The following LRRC69 variants were observed in gnomAD, a reference collection of about 807,000 sequenced individuals.
The protein encoded by LRRC69 is leucine rich repeat containing 69.
A neutral mutation model predicts 37.8 loss-of-function variants in LRRC69; 42 were observed. The ratio of observed to expected loss-of-function variants is 1.11; its 90% CI spans 0.87 to 1.44. LRRC69 has a LOEUF of 1.44. LRRC69 is among the 40% of genes most tolerant of loss of function. LRRC69 has a pLI of 0.00. For synonymous variants in LRRC69, 141 were observed against 143.1 expected, an observed-to-expected ratio of 0.99 and a Z score of 0.11; for missense variants, 357 against 401.9, an observed-to-expected ratio of 0.89 and a Z score of 0.96.
chr8:91,169,690 C>T (rs1586262342), intron 5 of LRRC69, among the ~76,000 whole-genome samples: 1 of 109,426 alleles, frequency 9.1e-6, no homozygotes, highest in Non-Finnish European at 1.7e-5. Flanking sequence ...CACCCCACAA[C>T]AGTCCCCAGA....
chr8:91,197,188 A>T (rs1004902297), intron 6 of LRRC69, among the ~76,000 whole-genome samples: 6 of 152,184 alleles, frequency 3.9e-5, no homozygotes, highest in African/African-American at 7.2e-5. Flanking sequence ...TTGAGGAGGC[A>T]GTCCGCCCAT....
intron 1 of LRRC69, 127 bp downstream of exon 1, chr8:91,102,971 T>G: frequency 1.1e-6 from 1 of 879,240 alleles, no homozygotes; most frequent in Non-Finnish European, 1.7e-6. Flanking sequence ...GGAGACTTAA[T>G]GTGGAGTGTT....
chr8:91,108,903 TC>T (rs1032154866), intron 1 of LRRC69, among the ~76,000 whole-genome samples: 1 of 151,860 alleles, frequency 6.6e-6, no homozygotes, highest in African/African-American at 2.4e-5. Context: ...AGCAGAGACT[TC>T]CCGTAACTCT....
At chr8:91,148,390 T>C (rs923073605) in intron 5 of LRRC69, among the ~76,000 whole-genome samples, 110 of 151,898 alleles carry the variant, frequency 7.2e-4, no homozygotes, top group Non-Finnish European at 1.3e-3. Flanking sequence ...GCTTCATCCA[T>C]GTCCCTACAA....
chr8:91,172,331 T>C (rs1308123820), intron 5 of LRRC69, among the ~76,000 whole-genome samples: 1 of 152,030 alleles, frequency 6.6e-6, no homozygotes, highest in Non-Finnish European at 1.5e-5. Context: ...TTGATAAATA[T>C]TGTTAAATTA....
At chr8:91,218,777 A>G (rs1183282464) in intron 7 of LRRC69, 113 bp from the exon 8 acceptor site, 23 of 621,694 alleles carry the variant, frequency 3.7e-5, no homozygotes, top group Non-Finnish European at 5.1e-5. Context: ...TAAATAGAAT[A>G]GTGCGTCTTT....
At chr8:91,164,602 T>C (rs1808998206) in intron 5 of LRRC69, among the ~76,000 whole-genome samples, 1 of 151,830 alleles carries the variant, frequency 6.6e-6, no homozygotes, top group South Asian at 2.1e-4. Flanking sequence ...AAACAAACAA[T>C]GGTTAATAAT....
At chr8:91,103,706 T>C (rs918824900) in intron 1 of LRRC69, among the ~76,000 whole-genome samples, 4 of 152,094 alleles carry the variant, frequency 2.6e-5, no homozygotes, top group Non-Finnish European at 5.9e-5. Context: ...AAATTGAGTT[T>C]GTAATCTGTA....
At chr8:91,197,707 C>T (rs1418102094) in intron 6 of LRRC69, among the ~76,000 whole-genome samples, 1 of 152,132 alleles carries the variant, frequency 6.6e-6, no homozygotes, top group Non-Finnish European at 1.5e-5. Flanking sequence ...TCGGCTCGCG[C>T]ACGGTGCGCG....
At chr8:91,169,290 T>C (rs1271402786) in intron 5 of LRRC69, among the ~76,000 whole-genome samples, 1 of 151,784 alleles carries the variant, frequency 6.6e-6, no homozygotes, top group Non-Finnish European at 1.5e-5. Flanking sequence ...ATTAAAAAAC[T>C]CTCTATCAAG....
chr8:91,122,943 G>A (rs1813655551), intron 1 of LRRC69, among the ~76,000 whole-genome samples: 1 of 152,034 alleles, frequency 6.6e-6, no homozygotes, highest in Admixed American at 6.6e-5. Flanking sequence ...GAGAATGGGA[G>A]GTTACCCTAG....
At chr8:91,184,528 A>G (rs1157519204) in intron 5 of LRRC69, among the ~76,000 whole-genome samples, 1 of 152,084 alleles carries the variant, frequency 6.6e-6, no homozygotes, top group Admixed American at 6.6e-5. Context: ...TATCCTTCAA[A>G]TTCTTCTTTC....
At chr8:91,133,884 G>A (rs1326943739) in intron 4 of LRRC69, among the ~76,000 whole-genome samples, 3 of 151,808 alleles carry the variant, frequency 2.0e-5, no homozygotes, top group African/African-American at 7.3e-5. Flanking sequence ...CGCCCACCTC[G>A]GCCTCCCAAA....
chr8:91,198,910 A>G (rs1809667076), intron 6 of LRRC69, among the ~76,000 whole-genome samples: 1 of 152,188 alleles, frequency 6.6e-6, no homozygotes, highest in Non-Finnish European at 1.5e-5. Flanking sequence ...GGTGTATGCT[A>G]TCCTTCCAAA....
intron 5 of LRRC69, among the ~76,000 whole-genome samples, chr8:91,179,797 C>G (rs906728024): frequency 6.6e-6 from 1 of 152,052 alleles, no homozygotes; most frequent in African/African-American, 2.4e-5. Flanking sequence ...AATAAGAAAT[C>G]GTTCTTATGA....
chr8:91,106,918 A>G (rs970469813), intron 1 of LRRC69, among the ~76,000 whole-genome samples: 1 of 151,394 alleles, frequency 6.6e-6, no homozygotes. Flanking sequence ...TCAGCTTCCC[A>G]AGTAGTTGGG....
chr8:91,163,201 T>C (rs531335127), intron 5 of LRRC69, among the ~76,000 whole-genome samples: 1 of 151,530 alleles, frequency 6.6e-6, no homozygotes, highest in East Asian at 2.0e-4. Context: ...TTTAAATTTT[T>C]CTTTATGGCA....
At chr8:91,123,671 T>C (rs1329291934) in intron 1 of LRRC69, among the ~76,000 whole-genome samples, 2 of 152,004 alleles carry the variant, frequency 1.3e-5, no homozygotes, top group African/African-American at 4.8e-5. Context: ...TTCTAAAGTA[T>C]GCAATTGGTA....
chr8:91,112,331 C>A (rs1178958776), intron 1 of LRRC69, among the ~76,000 whole-genome samples: 1 of 151,996 alleles, frequency 6.6e-6, no homozygotes, highest in Non-Finnish European at 1.5e-5. Flanking sequence ...TGCCCATGTG[C>A]TGGACCTACC....
Sources: allele counts gnomAD v4.1 joint callset (sites outside exome capture counted in the v4.1 genomes callset), GRCh38; gene constraint gnomAD v4.1.1; transcripts MANE v1.5; gene names NCBI Gene and HGNC (gene_info 2026-07-23, HGNC 2026-07-21).